OVGP1: variants seen among roughly 807,000 people sequenced by gnomAD.
OVGP1 encodes the protein oviductal glycoprotein 1, also known as oviduct-specific glycoprotein.
OVGP1 carries 26 observed loss-of-function variants against 48.2 expected under a neutral mutation model. The observed-to-expected ratio is 0.54, with a 90% CI of 0.40 to 0.75. The LOEUF is 0.75. OVGP1 is among the 30% of genes least tolerant of loss of function. OVGP1 has a pLI of 0.00. For missense variants in OVGP1, 791 were observed against 820.6 expected (o/e 0.96, Z 0.44); for synonymous variants, 294 against 305.7 (o/e 0.96, Z 0.40).
At chr1:111,416,491 C>T (rs1364217969) in intron 9 of OVGP1, 33 bp from the exon 10 acceptor site, 6 of 1,580,448 alleles carry the variant, frequency 3.8e-6, no homozygotes, top group Non-Finnish European at 3.4e-6. Flanking sequence ...ACCTGCTGTA[C>T]TTGTCAGTCT....
Position 111,419,628 on chromosome 1 carries a change from G to A in OVGP1, c.1002C>T (p.Ala334=). 3.7e-6 allele frequency: 6 copies of A among 1,603,638 alleles called. No homozygotes were observed. Among genetic ancestry groups the A allele is most frequent in the South Asian group, 1.1e-5 (1 of 90,790 alleles). The stretch of plus-strand genomic sequence containing the variant: ...GTCTCACCTTGTAACTGAAGCTGAT[G>A]GCATTGTCATAGCCAACCCACTCTT... ...KGKEWVGYDN[A]ISFSYKAWFI... The change falls in exon 9 of 11, where the codon GCC becomes GCT. Residue 334 remains alanine (A), a synonymous_variant. Coordinates refer to ENST00000369732, the MANE Select transcript of OVGP1 (RefSeq NM_002557.4).
At chr1:111,419,056 C>T (rs10489792) in intron 9 of OVGP1, among the ~76,000 whole-genome samples, 6,595 of 152,140 alleles carry the variant, frequency 0.043, 248 homozygotes, top group East Asian at 0.17. Context: ...TTAAAATGCC[C>T]ACAGGATGAA....
At chr1:111,422,660 T>C (rs762070978) in intron 6 of OVGP1, among the ~76,000 whole-genome samples, 73 of 152,064 alleles carry the variant, frequency 4.8e-4, no homozygotes, top group Admixed American at 1.6e-3. Context: ...GACCCAGCAA[T>C]AGGCTGTGCA....
chr1:111,414,470 T>G lies in OVGP1; in HGVS notation c.2031A>C (p.Glu677Asp). 1 of 1,609,742 alleles carries G rather than the reference T, an allele frequency of 6.2e-7. No individual in the cohort carries two copies. Among genetic ancestry groups the G allele is most frequent in the Non-Finnish European group, 8.5e-7 (1 of 1,177,276 alleles). The change falls in exon 11 of 11, where the codon GAA becomes GAC. Residue 677 changes from glutamate (E) to aspartate (D), a missense_variant. Transcript: ENST00000369732. ...TTTCTGACACCAGAGGGGCTTAGGC[T>G]TCTTCATCCACAGCAGAGTTTTCTG... ...EIPENSAVDEEA is the reference protein window; with the variant it reads ...EIPENSAVDEDA
rs992677082 is a variant in OVGP1 at position 111,423,634 on chromosome 1, T to C, written c.392A>G (p.His131Arg). Residue 131 changes from histidine (H) to arginine (R), a missense_variant, in exon 5 of 11, where the codon CAT becomes CGT. His to Arg is a conservative substitution (Grantham distance 29, BLOSUM62 0). Coordinates refer to ENST00000369732, the MANE Select transcript of OVGP1 (RefSeq NM_002557.4). ...IASVISLLRT[H>R]DFDGLDLFFL... ...GAAAAGGTCAAGACCATCAAAGTCATGTGTCCTCAGAAGGGATATAACTGA... is the reference window on the plus strand; with the variant it reads ...GAAAAGGTCAAGACCATCAAAGTCACGTGTCCTCAGAAGGGATATAACTGA... The C allele has an allele frequency of 3.3e-5, 54 of 1,614,070 alleles. No individual in the cohort carries two copies. The highest frequency in any genetic ancestry group is 4.6e-5 in the Non-Finnish European group (54 of 1,180,008).
intron 1 of OVGP1, 109 bp from the exon 2 acceptor site, chr1:111,427,200 T>C: frequency 1.3e-6 from 2 of 1,568,774 alleles, no homozygotes; most frequent in Middle Eastern, 1.7e-4. Context: ...CACCACCTTA[T>C]GCAGATGCAG....
At chr1:111,419,422 A>G (rs912831703) in intron 9 of OVGP1, among the ~76,000 whole-genome samples, 188 bp downstream of exon 9, 1 of 152,218 alleles carries the variant, frequency 6.6e-6, no homozygotes, top group Non-Finnish European at 1.5e-5. Flanking sequence ...TTCAGAATAG[A>G]GACTTGGAAC....
At chr1:111,427,228 C>A in intron 1 of OVGP1, 137 bp from the exon 2 acceptor site, 1 of 1,518,598 alleles carries the variant, frequency 6.6e-7, no homozygotes, top group Non-Finnish European at 8.8e-7. Flanking sequence ...AATGGGGACA[C>A]ACACACCATT....
rs1281727890 is a variant in OVGP1 at position 111,426,608 on chromosome 1, T to C, written c.89A>G (p.Asn30Ser). 8 of 1,613,908 alleles carry C rather than the reference T, an allele frequency of 5.0e-6. No individual in the cohort carries two copies. Among genetic ancestry groups the C allele is most frequent in the Non-Finnish European group, 5.9e-6 (7 of 1,179,978 alleles). Residue 30 changes from asparagine (N) to serine (S), a missense_variant, in exon 3 of 11, where the codon AAC becomes AGC. Coordinates refer to ENST00000369732, the MANE Select transcript of OVGP1 (RefSeq NM_002557.4). Reference sequence around the variant, plus strand: ...AGGGCCTGGCCGACTGTGTGCCCAGTTGGTGAAATAACACACGAGTTTATG... The same window carrying C: ...AGGGCCTGGCCGACTGTGTGCCCAGCTGGTGAAATAACACACGAGTTTATG... ...AAHKLVCYFT[N>S]WAHSRPGPAS...
intron 1 of OVGP1, 127 bp downstream of exon 1, chr1:111,427,570 C>A: frequency 8.3e-7 from 1 of 1,199,950 alleles, no homozygotes; most frequent in South Asian, 1.2e-5. Context: ...TATGGCCCAT[C>A]CCATCTCTAC....
At chr1:111,423,133 T>C in intron 5 of OVGP1, 82 bp from the exon 6 acceptor site, 1 of 1,564,826 alleles carries the variant, frequency 6.4e-7, no homozygotes, top group Non-Finnish European at 8.7e-7. Flanking sequence ...AGGAAGCATT[T>C]ACTGAGCTCC....
At position 111,414,799 on chromosome 1, in the gene OVGP1, C is replaced by T. The variant is rs750126318; in HGVS notation, c.1702G>A (p.Ala568Thr). 6.2e-7 allele frequency: 1 copy of T among 1,600,158 alleles called. No homozygotes were observed. Among genetic ancestry groups the T allele is most frequent in the Non-Finnish European group, 8.5e-7 (1 of 1,170,510 alleles). Residue 568 changes from alanine (A) to threonine (T), a missense_variant, in exon 11 of 11, where the codon GCT becomes ACT. Transcript: ENST00000369732. ...ACAGTCACCTTTTCACGGGCCACAG[C>T]CTTCCTTCTAGGGGCCACTGTATTC... ...RQNTVAPRRK[A>T]VAREKVTVPS... is the part of the protein sequence containing the mutation.
Position 111,415,932 on chromosome 1 carries a change from TGCCAGGGTA to T in OVGP1, c.1156+382_1156+390del, listed in dbSNP as rs1397846348. Among the ~76,000 whole-genome samples the T allele has an allele frequency of 3.9e-5, 6 of 152,308 alleles. No individual in the cohort carries two copies. In the East Asian group the frequency reaches 1.2e-3, roughly 29 times the overall value. ...TGCATGCTAGCTTCCATTTCCTAAT[TGCCAGGGTA>T]GCCTCTACTATCAAAAAGAGATATC... is the stretch of plus-strand genomic sequence containing the variant. On this transcript the variant is annotated intron_variant, in intron 10 of 10. Transcript: ENST00000369732.
At chr1:111,425,327 G>A (rs1017610366) in intron 4 of OVGP1, 56 bp downstream of exon 4, 8 of 1,607,094 alleles carry the variant, frequency 5.0e-6, no homozygotes, top group African/African-American at 4.0e-5. Context: ...CTGTCTTCAC[G>A]TCTAACCAGC....
At chr1:111,427,376 C>T in intron 1 of OVGP1, 1 of 985,334 alleles carries the variant, frequency 1.0e-6, no homozygotes, top group Non-Finnish European at 1.2e-6. Flanking sequence ...AAGCTCGAGG[C>T]CAGTGGTTCT....
chr1:111,423,396 T>C (rs1652321052), intron 5 of OVGP1, 147 bp downstream of exon 5: 2 of 845,798 alleles, frequency 2.4e-6, no homozygotes, highest in Non-Finnish European at 3.7e-6. Context: ...GAGTTACAGG[T>C]ATTACCCTCC....
Position 111,415,144 on chromosome 1 carries a change from G to C in OVGP1, c.1357C>G (p.Pro453Ala). The change falls in exon 11 of 11, where the codon CCT becomes GCT. Residue 453 changes from proline (P) to alanine (A), a missense_variant. Pro to Ala is a conservative substitution (Grantham distance 27). Transcript: ENST00000369732. ...TITPRGTTVT[P>A]TKETVSLGKH... Reference sequence around the variant, plus strand: ...CCAAGGGATACAGTTTCCTTTGTAGGGGTCACAGTTGTACCTCTAGGGGTT... The same window carrying C: ...CCAAGGGATACAGTTTCCTTTGTAGCGGTCACAGTTGTACCTCTAGGGGTT... The C allele has an allele frequency of 6.2e-7, 1 of 1,614,028 alleles. No individual in the cohort carries two copies. Among genetic ancestry groups the C allele is most frequent in the Non-Finnish European group, 8.5e-7 (1 of 1,179,928 alleles).
chr1:111,421,499 A>G (rs775552291), intron 7 of OVGP1, 38 bp from the exon 8 acceptor site: 1 of 1,608,756 alleles, frequency 6.2e-7, no homozygotes, highest in Non-Finnish European at 8.5e-7. Context: ...CCTTGTTACT[A>G]AGAGCCAATG....
intron 6 of OVGP1, 128 bp from the exon 7 acceptor site, chr1:111,421,801 G>A (rs955409783): frequency 1.9e-5 from 12 of 642,170 alleles, no homozygotes; most frequent in Non-Finnish European, 3.0e-5. Flanking sequence ...TTCTGCCTGT[G>A]GGGCCTGCCC....
Sources: gnomAD v4.1 joint callset for allele counts (sites outside exome capture counted in the v4.1 genomes callset) on GRCh38, gnomAD v4.1.1 for gene constraint, MANE v1.5 for transcripts, NCBI Gene and HGNC (gene_info 2026-07-23, HGNC 2026-07-21) for gene names.